The following AGBL1 variants were observed in gnomAD, a reference collection of about 807,000 sequenced individuals.
AGBL1 encodes AGBL carboxypeptidase 1, also known as cytosolic carboxypeptidase 4.
A neutral mutation model predicts 118.9 loss-of-function variants in AGBL1; 130 were observed. The observed-to-expected ratio is 1.09, with a 90% confidence interval of 0.95 to 1.26. The LOEUF is 1.26. Ranked by LOEUF, AGBL1 falls within the 50% of genes most tolerant of loss-of-function variation. AGBL1 has a pLI of 0.00. For synonymous variants in AGBL1, 555 were observed against 478.9 expected (o/e 1.16, Z -2.08); for missense variants, 1,584 against 1,298.1 (o/e 1.22, Z -3.38).
intron 23 of AGBL1, among the ~76,000 whole-genome samples, chr15:86,930,010 T>C (rs1246095538): frequency 6.6e-6 from 1 of 152,226 alleles, no homozygotes; most frequent in Non-Finnish European, 1.5e-5. Context: ...GTAAATTGTC[T>C]ATCATGCATT....
Position 86,301,641 on chromosome 15 carries a change from GGTGTGTGTGTGTGT to G in AGBL1, c.2374+6273_2374+6286del, listed in dbSNP as rs60282415. On this transcript the variant is annotated intron_variant, in intron 17 of 22. Transcript: ENST00000614907. ...TCACTGAGGTACTCATAATCTACAG[GGTGTGTGTGTGTGT>G]GTGTGTGTGTGTGTGTGTGTGTGTG... Among the ~76,000 whole-genome samples, 985 of 137,304 alleles carry G rather than the reference GGTGTGTGTGTGTGT, an allele frequency of 7.2e-3. 3 individuals are homozygous for G. The highest frequency in any genetic ancestry group is 0.016 in the African/African-American group (575 of 36,990). The allele number at this position is 137,304 out of a possible 152,430, so 90.1% of individuals were successfully genotyped here. A position where few individuals can be genotyped will look rare whatever the true frequency, so the allele number is the denominator to read the frequency against.
chr15:86,623,344 C>A (rs1012012121), intron 21 of AGBL1, among the ~76,000 whole-genome samples: 3 of 152,164 alleles, frequency 2.0e-5, no homozygotes, highest in African/African-American at 7.2e-5. Flanking sequence ...GTGTGGCTGG[C>A]AGAGCACAGG....
At chr15:86,949,830 AC>A (rs1477402963) in intron 23 of AGBL1, among the ~76,000 whole-genome samples, 8 of 152,114 alleles carry the variant, frequency 5.3e-5, no homozygotes, top group African/African-American at 1.9e-4. Context: ...ACCTCACTAT[AC>A]CCAATGATAG....
intron 17 of AGBL1, among the ~76,000 whole-genome samples, chr15:86,309,759 C>T (rs1567192074): frequency 6.6e-6 from 1 of 152,136 alleles, no homozygotes; most frequent in Non-Finnish European, 1.5e-5. Context: ...GTTGAACATC[C>T]TTGCAGCCTA....
chr15:86,556,660 T>C (rs2083738566), intron 21 of AGBL1, among the ~76,000 whole-genome samples: 1 of 152,206 alleles, frequency 6.6e-6, no homozygotes, highest in African/African-American at 2.4e-5. Flanking sequence ...CAAAGCAGTA[T>C]AGAAATTTCC....
intron 21 of AGBL1, among the ~76,000 whole-genome samples, chr15:86,645,905 C>T (rs1222468655): frequency 1.3e-5 from 2 of 152,152 alleles, no homozygotes; most frequent in African/African-American, 4.8e-5. Context: ...AAATCAAAAA[C>T]CAAAACAAAA....
chr15:86,574,076 G>A (rs904082653), intron 21 of AGBL1, among the ~76,000 whole-genome samples: 1 of 152,114 alleles, frequency 6.6e-6, no homozygotes. Flanking sequence ...GTGAGAGACA[G>A]GGCAATGGAA....
intron 21 of AGBL1, among the ~76,000 whole-genome samples, chr15:86,668,189 G>A (rs918000389): frequency 1.3e-5 from 2 of 152,064 alleles, no homozygotes; most frequent in Non-Finnish European, 2.9e-5. Flanking sequence ...CCAACATTGG[G>A]GATCACATTT....
chr15:86,319,754 T>TG (rs2080075578), intron 17 of AGBL1, among the ~76,000 whole-genome samples: 1 of 38,846 alleles, frequency 2.6e-5, no homozygotes, highest in East Asian at 5.4e-4. Flanking sequence ...TTTTTTTTTT[T>TG]TTTTTTTTTT....
intron 22 of AGBL1, among the ~76,000 whole-genome samples, chr15:86,805,797 AC>A (rs1333861398): frequency 6.6e-6 from 1 of 152,154 alleles, no homozygotes; most frequent in Non-Finnish European, 1.5e-5. Flanking sequence ...CAACTACAAC[AC>A]ACTCAACCAT....
intron 23 of AGBL1, among the ~76,000 whole-genome samples, chr15:86,966,174 C>A (rs1270569614): frequency 2.0e-5 from 3 of 151,600 alleles, no homozygotes; most frequent in Admixed American, 6.6e-5. Flanking sequence ...GTATCAGGGA[C>A]TCTGTAGTAT....
chr15:86,141,797 T>A (rs2076966791), intron 1 of AGBL1, among the ~76,000 whole-genome samples: 2 of 152,226 alleles, frequency 1.3e-5, no homozygotes, highest in Admixed American at 1.3e-4. Context: ...ACAAGATACG[T>A]CTGCAAAGAT....
At chr15:87,008,974 G>A (rs966469830) in intron 24 of AGBL1, among the ~76,000 whole-genome samples, 13 of 152,094 alleles carry the variant, frequency 8.5e-5, no homozygotes, top group African/African-American at 2.9e-4. Context: ...ATAAAAGTTT[G>A]GAAAATTTGC....
chr15:86,746,456 T>C (rs2077758173), intron 22 of AGBL1, among the ~76,000 whole-genome samples: 1 of 152,024 alleles, frequency 6.6e-6, no homozygotes. Context: ...TTTTTTTATT[T>C]TGGGTTCAGA....
chr15:86,698,323 G>C (rs765326314), intron 22 of AGBL1, among the ~76,000 whole-genome samples: 48 of 151,980 alleles, frequency 3.2e-4, no homozygotes, highest in Non-Finnish European at 5.1e-4. Flanking sequence ...TAGTTTATTG[G>C]TTCTTCGAAA....
At chr15:86,828,914 G>GTATATATA (rs3059643) in intron 22 of AGBL1, among the ~76,000 whole-genome samples, 1,926 of 141,752 alleles carry the variant, frequency 0.014, 27 homozygotes, top group Middle Eastern at 0.047. Context: ...AAGTTCAAAA[G>GTATATATA]TATATATATA....
chr15:86,200,514 G>C (rs1038611783), intron 5 of AGBL1, among the ~76,000 whole-genome samples: 7 of 138,388 alleles, frequency 5.1e-5, no homozygotes, highest in Non-Finnish European at 9.2e-5. Context: ...GCACTTTTTA[G>C]TTGCATTATA....
At chr15:86,085,644 G>C (rs1304565110) in intron 1 of AGBL1, among the ~76,000 whole-genome samples, 1 of 152,130 alleles carries the variant, frequency 6.6e-6, no homozygotes, top group Non-Finnish European at 1.5e-5. Flanking sequence ...CCAGCCTTCA[G>C]CCCCTCCTGT....
chr15:86,115,346 G>C (rs1314666666), intron 1 of AGBL1, among the ~76,000 whole-genome samples: 2 of 152,174 alleles, frequency 1.3e-5, no homozygotes, highest in African/African-American at 4.8e-5. Flanking sequence ...GGTTGTGCTA[G>C]AGTATAAACA....
Sources: gnomAD v4.1 joint callset for allele counts (sites outside exome capture counted in the v4.1 genomes callset) on GRCh38, gnomAD v4.1.1 for gene constraint, MANE v1.5 for transcripts, NCBI Gene and HGNC (gene_info 2026-07-23, HGNC 2026-07-21) for gene names.